Variants in GREB1L observed in about 807,000 individuals in gnomAD.
GREB1L encodes the protein GREB1-like protein.
A neutral mutation model predicts 200.8 loss-of-function variants in GREB1L; 17 were observed. The ratio of observed to expected loss-of-function variants is 0.08; its 90% CI spans 0.06 to 0.13. The LOEUF is 0.13. GREB1L is among the 10% of genes least tolerant of loss of function. The pLI is 1.00. For missense variants in GREB1L, 1,657 were observed against 2,367.7 expected (o/e 0.70, Z 6.23); for synonymous variants, 789 against 893.0 (o/e 0.88, Z 2.08).
rs145749141 is a variant in GREB1L at position 21,434,023 on chromosome 18, A to G, written c.833-5498A>G. Reference sequence around the variant, plus strand: ...GAGCTTTCTTTTGGATGTTCCTGGCATTGCAGTAAATTAATTCTAATTTAT... The same window carrying G: ...GAGCTTTCTTTTGGATGTTCCTGGCGTTGCAGTAAATTAATTCTAATTTAT... On this transcript the variant is annotated intron_variant, in intron 7 of 32. Transcript: ENST00000424526. 8.9e-3 allele frequency among the ~76,000 whole-genome samples: 1,361 copies of G among 152,218 alleles called. 21 individuals are homozygous for G. The highest frequency in any genetic ancestry group is 0.03 in the African/African-American group (1,246 of 41,536).
chr18:21,493,466 C>T (rs1240801500), intron 19 of GREB1L, among the ~76,000 whole-genome samples: 3 of 152,184 alleles, frequency 2.0e-5, no homozygotes, highest in Non-Finnish European at 4.4e-5. Flanking sequence ...CTGCAGCCAT[C>T]AGTCATCAGA....
chr18:21,358,138 T>TA (rs2039531385), intron 1 of GREB1L, among the ~76,000 whole-genome samples: 1 of 152,204 alleles, frequency 6.6e-6, no homozygotes, highest in Non-Finnish European at 1.5e-5. Context: ...TAATGTTTTA[T>TA]AGTTTTCAGT....
chr18:21,256,360 T>G (rs535687610), intron 1 of GREB1L, among the ~76,000 whole-genome samples: 49 of 152,298 alleles, frequency 3.2e-4, no homozygotes, highest in African/African-American at 1.2e-3. Flanking sequence ...AGAGAATAGT[T>G]AGGTGTACAT....
At chr18:21,371,167 G>A (rs1344259155) in intron 2 of GREB1L, among the ~76,000 whole-genome samples, 3 of 152,142 alleles carry the variant, frequency 2.0e-5, no homozygotes, top group African/African-American at 7.2e-5. Flanking sequence ...GTGTTCAGCT[G>A]CCACATGTGG....
intron 23 of GREB1L, among the ~76,000 whole-genome samples, chr18:21,501,374 G>A (rs889541336): frequency 3.3e-5 from 5 of 151,654 alleles, no homozygotes; most frequent in Admixed American, 6.6e-5. Context: ...TTTAAGCCCC[G>A]CATGCATTAG....
rs143898858 is a variant in GREB1L, at chr18:21,341,385, C to CT, written c.-119-24641dup. ...CATCTGCAATCATCTTGAAATATGA[C>CT]TCAGCCACAAGCTTCTTGATTTCTG... On this transcript the variant is annotated intron_variant, in intron 1 of 32. Coordinates refer to ENST00000424526, the MANE Select transcript of GREB1L (RefSeq NM_001142966.3). Among the ~76,000 whole-genome samples the CT allele has an allele frequency of 7.5e-3, 1,142 of 152,278 alleles. 18 individuals are homozygous for CT. Among genetic ancestry groups the CT allele is most frequent in the African/African-American group, 0.026 (1,100 of 41,518 alleles).
chr18:21,333,090 A>ACACG (rs2039129810), intron 1 of GREB1L, among the ~76,000 whole-genome samples: 1 of 152,072 alleles, frequency 6.6e-6, no homozygotes, highest in East Asian at 2.0e-4. Flanking sequence ...TAATACACAC[A>ACACG]CACGCGCGCG....
chr18:21,334,935 C>T (rs1036965128), intron 1 of GREB1L, among the ~76,000 whole-genome samples: 10 of 152,134 alleles, frequency 6.6e-5, no homozygotes, highest in African/African-American at 2.2e-4. Context: ...TAGCCAGTTA[C>T]AGAAAATGTT....
At position 21,383,577 on chromosome 18, in the gene GREB1L, A is replaced by G. The variant is rs1211257490; in HGVS notation, c.59A>G (p.Asn20Ser). ...GCTCGATTTGAGGAAGCTCTCCACA[A>G]CTCCATAGAAGCCTCCCTCAGATGT... The part of the protein sequence containing the change: ...KSARFEEALH[N>S]SIEASLRCSS... The change falls in exon 3 of 33, where the codon AAC becomes AGC. Residue 20 changes from asparagine (N) to serine (S), a missense_variant. By Grantham distance (46) the Asn-to-Ser change is conservative (BLOSUM62 1). This residue lies in a region of GREB1L where 121 missense variants were observed against 126.6 expected (regional missense o/e 0.96). Coordinates refer to ENST00000424526, the MANE Select transcript of GREB1L (RefSeq NM_001142966.3). 6.5e-7 allele frequency: 1 copy of G among 1,550,076 alleles called. No individual in the cohort carries two copies. The highest frequency in any genetic ancestry group is 8.7e-7 in the Non-Finnish European group (1 of 1,146,434).
intron 7 of GREB1L, among the ~76,000 whole-genome samples, chr18:21,413,456 T>C (rs1293242047): frequency 1.3e-5 from 2 of 152,242 alleles, no homozygotes; most frequent in Non-Finnish European, 2.9e-5. Flanking sequence ...TTTAGTTTCT[T>C]ATGAATACTC....
chr18:21,359,990 G>A (rs1598693071), intron 1 of GREB1L, among the ~76,000 whole-genome samples: 3 of 152,240 alleles, frequency 2.0e-5, no homozygotes, highest in Admixed American at 2.0e-4. Context: ...GGAATTTGTG[G>A]TATTTAGGGC....
intron 17 of GREB1L, 63 bp downstream of exon 17, chr18:21,477,419 T>C: frequency 8.0e-7 from 1 of 1,257,640 alleles, no homozygotes; most frequent in Non-Finnish European, 1.1e-6. Flanking sequence ...GGGTAGGACC[T>C]TGTAACAAAA....
chr18:21,282,030 TGGGA>T (rs565114407), intron 1 of GREB1L, among the ~76,000 whole-genome samples: 1,627 of 152,278 alleles, frequency 0.011, 10 homozygotes, highest in Middle Eastern at 0.027. Flanking sequence ...CCCAGCACTT[TGGGA>T]GGCCAAGGCA....
In GREB1L at chr18:21,516,615, A is replaced by G; in HGVS notation, c.5132A>G (p.Tyr1711Cys). ...CTATTGTTGTGGTTACAATTTAGGT[A>G]TTTCTGTGAAGATGCTGACTTTAAT... ...TQNVQYDFNR[Y>C]FCEDADFNLR... Residue 1711 changes from tyrosine to cysteine, a missense_variant and splice_region_variant, in exon 30 of 33, where the codon TAT becomes TGT. Physicochemically the swap from Tyr to Cys is radical, Grantham distance 194. Transcript: ENST00000424526. The G allele has an allele frequency of 6.4e-7, 1 of 1,551,436 alleles. No individual in the cohort carries two copies. Among genetic ancestry groups the G allele is most frequent in the African/African-American group, 1.4e-5 (1 of 73,158 alleles).
intron 31 of GREB1L, 93 bp downstream of exon 31, chr18:21,518,327 A>G (rs891008526): frequency 2.5e-6 from 3 of 1,197,310 alleles, no homozygotes; most frequent in Admixed American, 2.6e-5. Context: ...GTGACATGAA[A>G]TATCAATCAA....
chr18:21,437,918 T>C (rs1337685096), intron 7 of GREB1L, among the ~76,000 whole-genome samples: 1 of 152,204 alleles, frequency 6.6e-6, no homozygotes, highest in African/African-American at 2.4e-5. Context: ...ATTAAGAAAT[T>C]ATTGGCTATA....
At position 21,242,618 on chromosome 18, in the gene GREB1L, C is replaced by G. The variant is rs918705866; in HGVS notation, c.-120+225C>G. On this transcript the variant is annotated intron_variant, in intron 1 of 32. Transcript: ENST00000424526. ...GGAGCGCCAGTGCCAACCTGGGAGC[C>G]GTGCCTGCCTTCCCTGCCGCCTCGC... 5.3e-5 allele frequency among the ~76,000 whole-genome samples: 8 copies of G among 152,250 alleles called. No individual in the cohort carries two copies. The South Asian group carries it at 1.2e-3, about 24-fold the overall frequency.
At position 21,524,853 on chromosome 18, in the gene GREB1L, C is replaced by T. The variant is rs535594235; in HGVS notation, c.*2032C>T. ...CCAGAATAAAGCCAAAAGACCATCA[C>T]CCCTATAATGGAGAAATTGATCTGC... On this transcript the variant is annotated 3_prime_UTR_variant, in exon 33 of 33. Coordinates refer to ENST00000424526, the MANE Select transcript of GREB1L (RefSeq NM_001142966.3). 3.7e-4 allele frequency: 57 copies of T among 152,116 alleles called. 2 individuals are homozygous for T. In the East Asian group the frequency reaches 0.011, roughly 29 times the overall value. The allele number at this position is 152,116 out of a possible 1,614,324, so 9.4% of individuals were successfully genotyped here.
chr18:21,422,793 C>T (rs1233269887), intron 7 of GREB1L, among the ~76,000 whole-genome samples: 2 of 152,142 alleles, frequency 1.3e-5, no homozygotes, highest in African/African-American at 2.4e-5. Flanking sequence ...CTGGATCAAA[C>T]ATATACTCAT....
Sources: gnomAD v4.1 joint callset for allele counts (sites outside exome capture counted in the v4.1 genomes callset) on GRCh38, gnomAD v4.1.1 for gene constraint, gnomAD v4.1.1 regional missense constraint, MANE v1.5 for transcripts, NCBI Gene and HGNC (gene_info 2026-07-23, HGNC 2026-07-21) for gene names.